The following KIAA1549 variants were observed in gnomAD, a reference collection of about 807,000 sequenced individuals.
The protein encoded by KIAA1549 is UPF0606 protein KIAA1549.
KIAA1549 carries 70 observed loss-of-function variants against 156.4 expected under a neutral mutation model. The ratio of observed to expected loss-of-function variants is 0.45; its 90% CI spans 0.37 to 0.55. KIAA1549 has a LOEUF of 0.55. Among genes scored for constraint, KIAA1549 ranks in the 20% least tolerant of loss-of-function variants. The probability of loss-of-function intolerance (pLI) is 0.00; values close to 1 mark genes in which losing one functional copy is unlikely to be tolerated. For synonymous variants in KIAA1549, 1,103 were observed against 1,066.4 expected, an observed-to-expected ratio of 1.03 and a Z score of -0.67; for missense variants, 2,428 against 2,540.9, an observed-to-expected ratio of 0.96 and a Z score of 0.96.
At chr7:138,931,489 C>T (rs983289177) in intron 1 of KIAA1549, among the ~76,000 whole-genome samples, 24 of 151,742 alleles carry the variant, frequency 1.6e-4, no homozygotes, top group East Asian at 7.8e-4. Flanking sequence ...TGGTGGCTCA[C>T]GCCTGTAATC....
intron 1 of KIAA1549, among the ~76,000 whole-genome samples, chr7:138,947,763 CT>C (rs879306946): frequency 4.8e-4 from 70 of 147,066 alleles, no homozygotes; most frequent in Non-Finnish European, 6.5e-4. Flanking sequence ...CAGGGGCCAA[CT>C]TTTTTTTTTT....
chr7:138,936,731 C>T (rs1220079899), intron 1 of KIAA1549, among the ~76,000 whole-genome samples: 1 of 143,358 alleles, frequency 7.0e-6, no homozygotes, highest in Non-Finnish European at 1.5e-5. Flanking sequence ...TGTGACCCCC[C>T]CCACCCCCAC....
At chr7:138,922,191 T>G (rs1812584139) in intron 1 of KIAA1549, among the ~76,000 whole-genome samples, 2 of 152,214 alleles carry the variant, frequency 1.3e-5, no homozygotes, top group African/African-American at 4.8e-5. Flanking sequence ...TCATCCCGAG[T>G]GTGGAACCTA....
intron 9 of KIAA1549, among the ~76,000 whole-genome samples, chr7:138,896,594 G>T (rs905645648): frequency 1.2e-4 from 17 of 144,070 alleles, no homozygotes; most frequent in Non-Finnish European, 4.6e-5. Flanking sequence ...GGGTGTGGTT[G>T]TTTTTTTTTT....
intron 19 of KIAA1549, among the ~76,000 whole-genome samples, chr7:138,839,176 A>G (rs1188277607): frequency 6.6e-6 from 1 of 152,202 alleles, no homozygotes; most frequent in Non-Finnish European, 1.5e-5. Context: ...ATGTCTTTTT[A>G]CTAGGTAAGA....
Position 138,834,917 on chromosome 7 carries a change from G to A in KIAA1549, c.*2989C>T, listed in dbSNP as rs1248168938. The A allele has an allele frequency of 6.8e-5, 15 of 221,726 alleles. No homozygotes were observed. Among genetic ancestry groups the A allele is most frequent in the Admixed American group, 1.2e-4 (2 of 17,230 alleles). 13.7% of individuals were successfully genotyped at this position (221,726 alleles called of 1,614,324 possible). ...TCTGTTCTTGTTTGGCTTATGGGGA[G>A]AATGAAGTTCAGAGAAGGAACCAGA... is the stretch of plus-strand genomic sequence containing the variant. On this transcript the variant is annotated 3_prime_UTR_variant, in exon 20 of 20. Coordinates refer to ENST00000422774, the MANE Select transcript of KIAA1549 (RefSeq NM_001164665.2).
intron 15 of KIAA1549, among the ~76,000 whole-genome samples, chr7:138,866,847 G>T (rs908004110): frequency 7.9e-5 from 12 of 152,200 alleles, no homozygotes; most frequent in African/African-American, 2.9e-4. Context: ...CTGTCACCCA[G>T]GCTGGAGTGC....
At chr7:138,874,331 T>G (rs1811020559) in intron 12 of KIAA1549, among the ~76,000 whole-genome samples, 1 of 152,112 alleles carries the variant, frequency 6.6e-6, no homozygotes, top group Non-Finnish European at 1.5e-5. Context: ...TACCTCATGG[T>G]AACTATAATC....
intron 9 of KIAA1549, 60 bp downstream of exon 9, chr7:138,898,895 C>T (rs1009877281): frequency 2.0e-6 from 3 of 1,483,720 alleles, no homozygotes; most frequent in East Asian, 2.3e-5. Flanking sequence ...ACTGTCAGAA[C>T]GAGCCTGGCT....
intron 1 of KIAA1549, among the ~76,000 whole-genome samples, chr7:138,929,638 C>T (rs752183553): frequency 2.0e-5 from 3 of 152,152 alleles, no homozygotes; most frequent in Non-Finnish European, 4.4e-5. Context: ...TGAGAGAAAT[C>T]GCTACCTATG....
intron 8 of KIAA1549, among the ~76,000 whole-genome samples, chr7:138,901,823 T>C (rs1811851991): frequency 1.3e-5 from 2 of 152,236 alleles, no homozygotes; most frequent in African/African-American, 4.8e-5. Context: ...TGTCTACATC[T>C]TCATGTTTGG....
intron 1 of KIAA1549, among the ~76,000 whole-genome samples, chr7:138,961,528 C>A (rs1331086101): frequency 1.3e-5 from 2 of 152,202 alleles, no homozygotes; most frequent in Non-Finnish European, 1.5e-5. Context: ...GTCCTCACCT[C>A]CTCCAGGCCT....
At chr7:138,932,779 C>A (rs1428616006) in intron 1 of KIAA1549, among the ~76,000 whole-genome samples, 1 of 152,146 alleles carries the variant, frequency 6.6e-6, no homozygotes, top group Non-Finnish European at 1.5e-5. Flanking sequence ...CCACTCAAGA[C>A]CCTACGGAGT....
intron 1 of KIAA1549, among the ~76,000 whole-genome samples, chr7:138,937,565 G>A (rs1813053440): frequency 6.6e-6 from 1 of 152,220 alleles, no homozygotes; most frequent in African/African-American, 2.4e-5. Context: ...AAATAAGCAA[G>A]ATGCTGTGAT....
At chr7:138,962,026 C>G (rs1209353279) in intron 1 of KIAA1549, among the ~76,000 whole-genome samples, 1 of 152,154 alleles carries the variant, frequency 6.6e-6, no homozygotes. Context: ...AGGCGCCATT[C>G]TCCCTGTGCA....
intron 1 of KIAA1549, among the ~76,000 whole-genome samples, chr7:138,954,510 C>G (rs1813603332): frequency 6.6e-6 from 1 of 152,148 alleles, no homozygotes; most frequent in African/African-American, 2.4e-5. Context: ...AGCGCAGGCT[C>G]TCTACGATAG....
Position 138,981,364 on chromosome 7 carries a change from CACCG to C in KIAA1549, c.-99_-96del, listed in dbSNP as rs1472188083. The C allele has an allele frequency of 2.5e-5, 11 of 443,832 alleles. No individual in the cohort carries two copies. The highest frequency in any genetic ancestry group is 3.0e-5 in the Non-Finnish European group (10 of 338,240). 27.5% of individuals were successfully genotyped at this position (443,832 alleles called of 1,614,324 possible). On this transcript the variant is annotated 5_prime_UTR_variant, in exon 1 of 20. Transcript: ENST00000422774. This position sits in a 1 kb window ranked among gnomAD's most constrained non-coding sequence, Gnocchi z 4.5. The stretch of plus-strand genomic sequence containing the variant: ...GCTGCGGCTGGGACGGGGCGCCGCG[CACCG>C]GCGCGGAGGGAGGCCGGAGAGGCGG...
At chr7:138,895,760 C>T (rs1811666761) in intron 9 of KIAA1549, among the ~76,000 whole-genome samples, 1 of 151,950 alleles carries the variant, frequency 6.6e-6, no homozygotes, top group African/African-American at 2.4e-5. Flanking sequence ...TTATGTTTTC[C>T]AAAATGAAGC....
At chr7:138,841,946 C>G (rs1324579963) in intron 18 of KIAA1549, among the ~76,000 whole-genome samples, 1 of 150,462 alleles carries the variant, frequency 6.6e-6, no homozygotes, top group Non-Finnish European at 1.5e-5. Flanking sequence ...TTAATGATAA[C>G]TAAAAGTCAG....
Sources: allele counts gnomAD v4.1 joint callset (sites outside exome capture counted in the v4.1 genomes callset), GRCh38; gene constraint gnomAD v4.1.1; non-coding constraint Gnocchi (gnomAD v3.1); transcripts MANE v1.5; gene names NCBI Gene and HGNC (gene_info 2026-07-23, HGNC 2026-07-21).